MTSS1: variants seen among roughly 807,000 people sequenced by gnomAD.
The protein encoded by MTSS1 is MTSS I-BAR domain containing 1.
Under a neutral mutation model 79.0 loss-of-function variants are expected in MTSS1, and 18 were observed. The observed-to-expected ratio is 0.23, with a 90% CI of 0.16 to 0.34. MTSS1 has a LOEUF of 0.34. Among genes scored for constraint, MTSS1 ranks in the 10% least tolerant of loss-of-function variants. MTSS1 has a pLI of 1.00. For missense variants in MTSS1, 815 were observed against 986.2 expected, an observed-to-expected ratio of 0.83 and a Z score of 2.33; for synonymous variants, 341 against 368.6, an observed-to-expected ratio of 0.93 and a Z score of 0.86.
At position 124,551,154 on chromosome 8, in the gene MTSS1, G is replaced by T. The variant is rs950234746; in HGVS notation, c.*1838C>A. 4 of 152,496 alleles carry T rather than the reference G, an allele frequency of 2.6e-5. No individual in the cohort carries two copies. Among genetic ancestry groups the T allele is most frequent in the Non-Finnish European group, 5.9e-5 (4 of 68,016 alleles). The allele number at this position is 152,496 out of a possible 1,614,324, so 9.4% of individuals were successfully genotyped here. A position where few individuals can be genotyped will look rare whatever the true frequency, so the allele number is the denominator to read the frequency against. On this transcript the variant is annotated 3_prime_UTR_variant, in exon 14 of 14. Transcript: ENST00000518547. The stretch of plus-strand genomic sequence containing the variant: ...ACAGTTACATCCATTTATTTCAAAG[G>T]TTTAAAATACCACTTTTATCTATTG...
intron 3 of MTSS1, among the ~76,000 whole-genome samples, chr8:124,682,142 T>C (rs1826223632): frequency 6.6e-6 from 1 of 152,252 alleles, no homozygotes; most frequent in African/African-American, 2.4e-5. Flanking sequence ...ATGCACTTTC[T>C]TAACTCTAAC....
intron 3 of MTSS1, among the ~76,000 whole-genome samples, chr8:124,657,093 G>T (rs896315994): frequency 3.3e-5 from 5 of 152,208 alleles, no homozygotes; most frequent in Admixed American, 6.5e-5. Context: ...GTGAATGAAT[G>T]ATTGTTAATT....
At chr8:124,712,404 C>G (rs1462789103) in intron 1 of MTSS1, among the ~76,000 whole-genome samples, 1 of 152,208 alleles carries the variant, frequency 6.6e-6, no homozygotes, top group African/African-American at 2.4e-5. Context: ...GAGGCTGGCA[C>G]CTTCTGACCT....
At chr8:124,662,833 A>G (rs10505447) in intron 3 of MTSS1, among the ~76,000 whole-genome samples, 3,573 of 152,262 alleles carry the variant, frequency 0.023, 56 homozygotes, top group South Asian at 0.075. Flanking sequence ...GAAACAGACC[A>G]GGTACAATTG....
At chr8:124,589,066 T>G (rs1831371471) in intron 5 of MTSS1, among the ~76,000 whole-genome samples, 1 of 151,994 alleles carries the variant, frequency 6.6e-6, no homozygotes, top group South Asian at 2.1e-4. Flanking sequence ...AGTCTCACTC[T>G]GTCGTCCAGG....
At chr8:124,699,680 G>A (rs898282703) in intron 2 of MTSS1, 81 bp from the exon 3 acceptor site, 1 of 1,270,560 alleles carries the variant, frequency 7.9e-7, no homozygotes, top group Non-Finnish European at 1.1e-6. Flanking sequence ...TAAAACCTCT[G>A]CTAAGGAGTA....
intron 3 of MTSS1, among the ~76,000 whole-genome samples, chr8:124,626,429 G>A (rs565669755): frequency 1.6e-3 from 241 of 152,244 alleles, no homozygotes; most frequent in Non-Finnish European, 2.8e-3. Context: ...TTGAGCCCAG[G>A]AGTTCAAGAC....
chr8:124,568,839 A>G, intron 6 of MTSS1: 2 of 1,436,578 alleles, frequency 1.4e-6, no homozygotes, highest in Non-Finnish European at 9.1e-7. Flanking sequence ...CTGCCAACAC[A>G]ACCCTGGAAC....
intron 3 of MTSS1, among the ~76,000 whole-genome samples, chr8:124,682,155 C>T (rs1047360958): frequency 1.3e-5 from 2 of 152,250 alleles, no homozygotes; most frequent in Non-Finnish European, 2.9e-5. Context: ...ACTCTAACAA[C>T]AGGGTAGCCC....
intron 3 of MTSS1, among the ~76,000 whole-genome samples, chr8:124,662,547 C>T (rs1226274329): frequency 1.3e-5 from 2 of 152,176 alleles, no homozygotes; most frequent in African/African-American, 4.8e-5. Context: ...TACTCAGGAT[C>T]CGGGCTCTGC....
intron 3 of MTSS1, among the ~76,000 whole-genome samples, chr8:124,666,542 C>T (rs563042500): frequency 1.2e-4 from 18 of 152,016 alleles, no homozygotes; most frequent in African/African-American, 2.4e-4. Flanking sequence ...CATGGGCATC[C>T]GGCTAAGTTC....
chr8:124,674,856 GGAT>G (rs1345951670), intron 3 of MTSS1, among the ~76,000 whole-genome samples: 1 of 152,028 alleles, frequency 6.6e-6, no homozygotes, highest in Non-Finnish European at 1.5e-5. Context: ...CAGTTAGCTG[GGAT>G]TACAGGCGCA....
chr8:124,637,921 C>G (rs981550389), intron 3 of MTSS1, among the ~76,000 whole-genome samples: 5 of 152,324 alleles, frequency 3.3e-5, no homozygotes, highest in Admixed American at 1.3e-4. Context: ...AGAACATATC[C>G]TCTTATAGAA....
intron 3 of MTSS1, among the ~76,000 whole-genome samples, chr8:124,658,118 A>T (rs1022107491): frequency 1.3e-5 from 2 of 152,210 alleles, no homozygotes; most frequent in Non-Finnish European, 2.9e-5. Context: ...GTCTGTTCTC[A>T]CACTGCTATA....
rs577138626 is a variant in MTSS1 at position 124,556,962 on chromosome 8, G to A, written c.1231-557C>T. Among the ~76,000 whole-genome samples, 29 of 152,342 alleles carry A rather than the reference G, an allele frequency of 1.9e-4. No homozygotes were observed. In the South Asian group the frequency reaches 3.9e-3, roughly 21 times the overall value. On this transcript the variant is annotated intron_variant, in intron 11 of 13. Coordinates refer to ENST00000518547, the MANE Select transcript of MTSS1 (RefSeq NM_014751.6). ...CGAGAAGCCTTGAGAGGCCCACACC[G>A]CCTGTGAGGGCTAAAGTCAAAACCT...
At chr8:124,599,977 G>A (rs1261708828) in intron 3 of MTSS1, among the ~76,000 whole-genome samples, 1 of 151,726 alleles carries the variant, frequency 6.6e-6, no homozygotes, top group African/African-American at 2.4e-5. Flanking sequence ...TCCCACATTT[G>A]CTGTCTGTGT....
intron 6 of MTSS1, among the ~76,000 whole-genome samples, chr8:124,584,363 T>A (rs1263878364): frequency 2.0e-5 from 3 of 152,236 alleles, no homozygotes; most frequent in African/African-American, 7.2e-5. Flanking sequence ...CTGGAAGGAA[T>A]GTCACCTTCT....
intron 3 of MTSS1, among the ~76,000 whole-genome samples, chr8:124,695,741 A>G (rs1012817171): frequency 6.6e-6 from 1 of 152,206 alleles, no homozygotes; most frequent in Admixed American, 6.5e-5. Context: ...TACTGGAAAG[A>G]TAACTATAAT....
chr8:124,587,652 C>A (rs1174595805), intron 5 of MTSS1, among the ~76,000 whole-genome samples: 4 of 152,166 alleles, frequency 2.6e-5, no homozygotes, highest in African/African-American at 9.7e-5. Flanking sequence ...GCGCATGCCA[C>A]CACGCCCAGC....
Sources: gnomAD v4.1 joint callset for allele counts (sites outside exome capture counted in the v4.1 genomes callset) on GRCh38, gnomAD v4.1.1 for gene constraint, MANE v1.5 for transcripts, NCBI Gene and HGNC (gene_info 2026-07-23, HGNC 2026-07-21) for gene names.